PCDHGA10: variants seen among roughly 807,000 people sequenced by gnomAD.
The protein encoded by PCDHGA10 is protocadherin gamma subfamily A, 10, also known as protocadherin gamma-A10.
In PCDHGA10, 42 loss-of-function variants were observed where a neutral mutation model predicts 59.5. The ratio of observed to expected loss-of-function variants is 0.71; its 90% CI spans 0.55 to 0.91. The LOEUF (loss-of-function observed/expected upper bound fraction) is 0.91, where lower values mean the gene tolerates loss of function less well. PCDHGA10 is among the 40% of genes least tolerant of loss of function. The probability of loss-of-function intolerance (pLI) is 0.00; values close to 1 mark genes in which losing one functional copy is unlikely to be tolerated. For synonymous variants in PCDHGA10, 511 were observed against 517.2 expected (o/e 0.99, Z 0.16); for missense variants, 1,111 against 1,198.2 (o/e 0.93, Z 1.07).
intron 1 of PCDHGA10, among the ~76,000 whole-genome samples, chr5:141,468,994 T>C (rs2099188173): frequency 6.7e-6 from 1 of 148,824 alleles, no homozygotes; most frequent in Non-Finnish European, 1.5e-5. Context: ...ATTATTGTTT[T>C]TGCTGGGTGC....
chr5:141,445,361 G>A (rs2098464750), intron 1 of PCDHGA10, among the ~76,000 whole-genome samples: 2 of 152,138 alleles, frequency 1.3e-5, no homozygotes, highest in African/African-American at 4.8e-5. Context: ...GCCCAAGTCT[G>A]GTCCTGGGTG....
At chr5:141,419,452 G>T (rs1590172506) in intron 1 of PCDHGA10, 1 of 1,612,754 alleles carries the variant, frequency 6.2e-7, no homozygotes, top group Non-Finnish European at 8.5e-7. Flanking sequence ...TCGAGCTCAC[G>T]CTGCAGGCCC....
rs766151180 is a variant in PCDHGA10 at position 141,432,210 on chromosome 5, A to G, written c.2436+16599A>G. On this transcript the variant is annotated intron_variant, in intron 1 of 3. Transcript: ENST00000398610. This position sits in a 1 kb window ranked among gnomAD's most constrained non-coding sequence, Gnocchi z 6.0. Reference sequence around the variant, plus strand: ...GCCCACGACCCCGACTGTGAAGAGAACGCCCAGATCACTTATTCCCTGGCT... The same window carrying G: ...GCCCACGACCCCGACTGTGAAGAGAGCGCCCAGATCACTTATTCCCTGGCT... 1 of 1,614,138 alleles carries G rather than the reference A, an allele frequency of 6.2e-7. No individual in the cohort carries two copies. Among genetic ancestry groups the G allele is most frequent in the Non-Finnish European group, 8.5e-7 (1 of 1,180,018 alleles).
At chr5:141,481,441 T>C (rs1397908285) in intron 1 of PCDHGA10, among the ~76,000 whole-genome samples, 1 of 152,250 alleles carries the variant, frequency 6.6e-6, no homozygotes, top group East Asian at 1.9e-4. Context: ...ATCAGTTTAG[T>C]ACATGTAAAT....
Position 141,502,485 on chromosome 5 carries a change from G to A in PCDHGA10, c.2496-2908G>A, listed in dbSNP as rs187600890. ...AATACTTCCCGCAGCATCACACTGG[G>A]ACTCATCTAACGTCGGCCTGTCCCA... On this transcript the variant is annotated intron_variant, in intron 2 of 3. Coordinates refer to ENST00000398610, the MANE Select transcript of PCDHGA10 (RefSeq NM_018913.3). 8.4e-3 allele frequency among the ~76,000 whole-genome samples: 1,276 copies of A among 152,270 alleles called. 22 individuals carry two copies. Among genetic ancestry groups the A allele is most frequent in the African/African-American group, 0.028 (1,151 of 41,542 alleles).
chr5:141,494,909 T>G (rs764123148), intron 2 of PCDHGA10, 44 bp downstream of exon 2: 1 of 1,614,042 alleles, frequency 6.2e-7, no homozygotes, highest in Admixed American at 1.7e-5. Flanking sequence ...CTGCGGCATT[T>G]TCTCAGGGAT....
At position 141,432,298 on chromosome 5, in the gene PCDHGA10, A is replaced by G; in HGVS notation, c.2436+16687A>G. 6.2e-7 allele frequency: 1 copy of G among 1,614,236 alleles called. No homozygotes were observed. The highest frequency in any genetic ancestry group is 8.5e-7 in the Non-Finnish European group (1 of 1,180,036). The stretch of plus-strand genomic sequence containing the variant: ...TGTCCATCAACTCCGACACTGGGGT[A>G]CTGTATGCGCTGAGCTCCTTCGACT... On this transcript the variant is annotated intron_variant, in intron 1 of 3. Transcript: ENST00000398610. This position sits in a 1 kb window ranked among gnomAD's most constrained non-coding sequence, Gnocchi z 6.0.
At chr5:141,467,373 T>C (rs2099143070) in intron 1 of PCDHGA10, among the ~76,000 whole-genome samples, 1 of 152,064 alleles carries the variant, frequency 6.6e-6, no homozygotes, top group Non-Finnish European at 1.5e-5. Context: ...TTTCTTATAT[T>C]GCATTTAGGT....
rs200356364 is a variant in PCDHGA10, at chr5:141,470,128, C to CA, written c.2437-24670dup. On this transcript the variant is annotated intron_variant, in intron 1 of 3. Transcript: ENST00000398610. ...TGAGCAACAGAGCAAGACTTCGTCT[C>CA]AAAAAAAAAGATCATAGATCATCTT... 4.0e-3 allele frequency among the ~76,000 whole-genome samples: 596 copies of CA among 150,150 alleles called. 6 individuals are homozygous for CA. The highest frequency in any genetic ancestry group is 0.011 in the Admixed American group (171 of 15,136).
Position 141,476,944 on chromosome 5 carries a change from C to T in PCDHGA10, c.2437-17863C>T, listed in dbSNP as rs1360022622. The T allele has an allele frequency of 3.3e-5, 53 of 1,614,072 alleles. No homozygotes were observed. The highest frequency in any genetic ancestry group is 4.1e-5 in the Non-Finnish European group (48 of 1,180,052). ...CAACGGATCTGGATGAAGGCCCCAACGGTGAAATTATTTACTCCTTCGGCA... is the reference window on the plus strand; with the variant it reads ...CAACGGATCTGGATGAAGGCCCCAATGGTGAAATTATTTACTCCTTCGGCA... On this transcript the variant is annotated intron_variant, in intron 1 of 3. Transcript: ENST00000398610. The surrounding 1 kb of genome is among the most constrained non-coding windows in gnomAD (Gnocchi z 7.6).
intron 1 of PCDHGA10, chr5:141,420,166 A>G: frequency 1.2e-6 from 2 of 1,614,036 alleles, no homozygotes; most frequent in Non-Finnish European, 1.7e-6. Flanking sequence ...ATTTTTTCAC[A>G]TCTGTTGATC....
chr5:141,414,856 G>C lies in PCDHGA10; in HGVS notation c.1681G>C (p.Asp561His), dbSNP rs1269714202. 2 of 1,614,216 alleles carry C rather than the reference G, an allele frequency of 1.2e-6. No homozygotes were observed. The highest frequency in any genetic ancestry group is 8.5e-7 in the Non-Finnish European group (1 of 1,180,042). The change falls in exon 1 of 4, where the codon GAC becomes CAC. Residue 561 changes from aspartate (D) to histidine (H), a missense_variant. Asp to His is a moderately conservative substitution (Grantham distance 81). Transcript: ENST00000398610. ...GAGCCTGTTTGTGCTGGACCAGAACGACAATGCGCCCGAGATCCTGTACCC... is the reference window on the plus strand; with the variant it reads ...GAGCCTGTTTGTGCTGGACCAGAACCACAATGCGCCCGAGATCCTGTACCC... ...SLSLFVLDQN[D>H]NAPEILYPAL...
chr5:141,423,597 G>C, intron 1 of PCDHGA10: 1 of 1,613,188 alleles, frequency 6.2e-7, no homozygotes, highest in Non-Finnish European at 8.5e-7. Context: ...AGAAAAGCGA[G>C]CCACTCTTGA....
chr5:141,494,446 G>C (rs1046119515), intron 1 of PCDHGA10, among the ~76,000 whole-genome samples: 2 of 152,172 alleles, frequency 1.3e-5, no homozygotes, highest in African/African-American at 4.8e-5. Context: ...TGCCACTTTA[G>C]GGGGCTTTGT....
chr5:141,470,452 G>A (rs981528762), intron 1 of PCDHGA10, among the ~76,000 whole-genome samples: 1 of 152,130 alleles, frequency 6.6e-6, no homozygotes, highest in Admixed American at 6.5e-5. Flanking sequence ...ATAGCATCTT[G>A]AATAGGATTT....
Position 141,414,087 on chromosome 5 carries a change from A to G in PCDHGA10, c.912A>G (p.Glu304=), listed in dbSNP as rs377653676. 31 of 1,599,656 alleles carry G rather than the reference A, an allele frequency of 1.9e-5. No individual in the cohort carries two copies. Among genetic ancestry groups the G allele is most frequent in the Middle Eastern group, 3.3e-4 (2 of 6,076 alleles). ...LKFQLNKYTG[E]IKISENLDYE... is the part of the protein sequence containing the mutation. The stretch of plus-strand genomic sequence containing the variant: ...TCCAACTAAACAAATATACTGGAGA[A>G]ATAAAAATATCAGAAAATCTAGATT... The change falls in exon 1 of 4, where the codon GAA becomes GAG. Residue 304 remains glutamate, a synonymous_variant. Transcript: ENST00000398610.
chr5:141,489,013 C>T lies in PCDHGA10; in HGVS notation c.2437-5794C>T, dbSNP rs533320646. ...AGGTGGGAGATCTGCTCTTCCAGCC[C>T]GCCTCTCCTCCTCCAGCTCCCCAGC... On this transcript the variant is annotated intron_variant, in intron 1 of 3. Coordinates refer to ENST00000398610, the MANE Select transcript of PCDHGA10 (RefSeq NM_018913.3). The surrounding 1 kb of genome is among the most constrained non-coding windows in gnomAD (Gnocchi z 4.5). 4.6e-5 allele frequency: 20 copies of T among 438,612 alleles called. No homozygotes were observed. Among genetic ancestry groups the T allele is most frequent in the East Asian group, 2.7e-4 (8 of 29,802 alleles). The allele number at this position is 438,612 out of a possible 1,614,324, so 27.2% of individuals were successfully genotyped here.
At chr5:141,425,717 C>G (rs1207360676) in intron 1 of PCDHGA10, among the ~76,000 whole-genome samples, 1 of 152,188 alleles carries the variant, frequency 6.6e-6, no homozygotes, top group African/African-American at 2.4e-5. Context: ...TTTTCCCATA[C>G]CACTTGATGG....
intron 1 of PCDHGA10, chr5:141,422,767 G>T: frequency 6.2e-7 from 1 of 1,613,786 alleles, no homozygotes; most frequent in Non-Finnish European, 8.5e-7. Context: ...CAACACTGGT[G>T]TTCTCTATGC....
Sources: allele counts gnomAD v4.1 joint callset (sites outside exome capture counted in the v4.1 genomes callset), GRCh38; gene constraint gnomAD v4.1.1; non-coding constraint Gnocchi (gnomAD v3.1); transcripts MANE v1.5; gene names NCBI Gene and HGNC (gene_info 2026-07-23, HGNC 2026-07-21).